The following PKD1L1 variants were observed in gnomAD, a reference collection of about 807,000 sequenced individuals.
PKD1L1 encodes polycystin-1-like protein 1.
In PKD1L1, 236 loss-of-function variants were observed where a neutral mutation model predicts 323.4. The observed-to-expected ratio is 0.73, with a 90% CI of 0.66 to 0.81. PKD1L1 has a LOEUF of 0.81. Among genes scored for constraint, PKD1L1 ranks in the 40% least tolerant of loss-of-function variants. The pLI is 0.00. For missense variants in PKD1L1, 3,320 were observed against 3,508.0 expected (o/e 0.95, Z 1.35); for synonymous variants, 1,344 against 1,335.0 (o/e 1.01, Z -0.15).
At position 47,821,168 on chromosome 7, in the gene PKD1L1, G is replaced by T. The variant is rs750960103; in HGVS notation, c.6873C>A (p.Ile2291=). ...RAALRDISMD[I]LMLLLLLCVI... ...CACACAAAAGCAGAAGCAGCATGAG[G>T]ATGTCCATGGAAATGTCTCTGTAAG... The change falls in exon 46 of 57, where the codon ATC becomes ATA. Residue 2291 remains isoleucine (I), a synonymous_variant. Coordinates refer to ENST00000289672, the MANE Select transcript of PKD1L1 (RefSeq NM_138295.5). 2 of 1,606,574 alleles carry T rather than the reference G, an allele frequency of 1.2e-6. No homozygotes were observed. The highest frequency in any genetic ancestry group is 1.7e-6 in the Non-Finnish European group (2 of 1,173,300).
chr7:47,840,400 G>T lies in PKD1L1; in HGVS notation c.5552+61C>A, dbSNP rs953342948. On this transcript the variant is annotated intron_variant, in intron 35 of 56. Coordinates refer to ENST00000289672, the MANE Select transcript of PKD1L1 (RefSeq NM_138295.5). The surrounding 1 kb of genome is among the most constrained non-coding windows in gnomAD (Gnocchi z 4.1). ...TCTACTGTTTTGTATTTGTGATAAG[G>T]TTACACCAATTCTGATTGGCCTCTC... The T allele has an allele frequency of 2.0e-5, 25 of 1,246,354 alleles. 1 individual carries two copies. Among genetic ancestry groups the T allele is most frequent in the Middle Eastern group, 3.7e-4 (2 of 5,368 alleles). The allele number at this position is 1,246,354 out of a possible 1,614,324, so 77.2% of individuals were successfully genotyped here. A position where few individuals can be genotyped will look rare whatever the true frequency, so the allele number is the denominator to read the frequency against.
Position 47,811,846 on chromosome 7 carries a change from C to A in PKD1L1, c.7552G>T (p.Ala2518Ser). The change falls in exon 50 of 57, where the codon GCC becomes TCC. Residue 2518 changes from alanine (A) to serine (S), a missense_variant. Coordinates refer to ENST00000289672, the MANE Select transcript of PKD1L1 (RefSeq NM_138295.5). The stretch of plus-strand genomic sequence containing the variant: ...GGAAGCATGAGGTGGTACTGCAGGG[C>A]TGAGTCGCTGCGGAAGATGCTGAAT... ...ESFSIFRSDS[A>S]LQYHLMLPQL... 2.5e-6 allele frequency: 4 copies of A among 1,608,338 alleles called. No individual in the cohort carries two copies. Among genetic ancestry groups the A allele is most frequent in the Non-Finnish European group, 3.4e-6 (4 of 1,177,720 alleles).
At chr7:47,924,972 A>G (rs1787629566) in intron 7 of PKD1L1, among the ~76,000 whole-genome samples, 1 of 152,228 alleles carries the variant, frequency 6.6e-6, no homozygotes, top group Non-Finnish European at 1.5e-5. Context: ...CACCATTCAT[A>G]ATTAATATGT....
At chr7:47,868,246 G>A (rs987166595) in intron 24 of PKD1L1, among the ~76,000 whole-genome samples, 4 of 152,184 alleles carry the variant, frequency 2.6e-5, no homozygotes, top group African/African-American at 9.7e-5. Context: ...GTGTGTGCCT[G>A]TAATCCCAGC....
intron 7 of PKD1L1, among the ~76,000 whole-genome samples, chr7:47,918,790 A>C (rs1787480093): frequency 6.6e-6 from 1 of 152,198 alleles, no homozygotes; most frequent in Admixed American, 6.5e-5. Flanking sequence ...AATGAAATCA[A>C]GATGGAAATT....
At chr7:47,833,315 C>T in intron 40 of PKD1L1, 63 bp from the exon 41 acceptor site, 1 of 1,548,348 alleles carries the variant, frequency 6.5e-7, no homozygotes, top group East Asian at 2.3e-5. Flanking sequence ...ACGTGACGCT[C>T]AACAGTGGTG....
upstream of PKD1L1, among the ~76,000 whole-genome samples, chr7:47,953,321 C>G (rs1273159948): frequency 2.0e-5 from 3 of 152,218 alleles, no homozygotes; most frequent in African/African-American, 7.2e-5. Flanking sequence ...TCACCCTCAC[C>G]TGCCCACCTT....
intron 54 of PKD1L1, 55 bp from the exon 55 acceptor site, chr7:47,796,205 G>C: frequency 7.0e-7 from 1 of 1,422,652 alleles, no homozygotes; most frequent in Non-Finnish European, 9.6e-7. Flanking sequence ...TAAATAAAGA[G>C]CTTTGTTAAC....
intron 25 of PKD1L1, among the ~76,000 whole-genome samples, chr7:47,866,093 G>A (rs942078040): frequency 9.9e-5 from 15 of 152,184 alleles, no homozygotes; most frequent in African/African-American, 3.4e-4. Context: ...TTCAGAAGTT[G>A]CACAAAATCA....
chr7:47,929,946 G>A (rs1000840560), intron 6 of PKD1L1, among the ~76,000 whole-genome samples: 3 of 152,328 alleles, frequency 2.0e-5, no homozygotes, highest in South Asian at 2.1e-4. Flanking sequence ...AAAGCTCCCC[G>A]TGAGGGTGGG....
intron 56 of PKD1L1, among the ~76,000 whole-genome samples, chr7:47,777,814 A>T (rs1248047475): frequency 6.6e-6 from 1 of 152,218 alleles, no homozygotes; most frequent in Non-Finnish European, 1.5e-5. Context: ...CAAGGCTTCT[A>T]ATCTTGCTCC....
chr7:47,868,819 G>A (rs988297262), intron 24 of PKD1L1, among the ~76,000 whole-genome samples: 37 of 152,300 alleles, frequency 2.4e-4, no homozygotes, highest in Admixed American at 1.8e-3. Flanking sequence ...AGGTTGCAGT[G>A]AGCCGAGATC....
chr7:47,830,009 A>G, intron 43 of PKD1L1, 31 bp downstream of exon 43: 1 of 1,599,464 alleles, frequency 6.3e-7, no homozygotes, highest in Non-Finnish European at 8.6e-7. Flanking sequence ...TGCTGATGGA[A>G]GGCACTTCTA....
intron 46 of PKD1L1, chr7:47,818,226 G>A (rs775024421): frequency 1.6e-5 from 21 of 1,332,766 alleles, no homozygotes; most frequent in East Asian, 4.8e-5. Context: ...AAATATTCAC[G>A]CCAAAGGAAA....
At chr7:47,929,176 C>T (rs1562994383) in intron 7 of PKD1L1, 28 bp downstream of exon 7, 4 of 1,592,132 alleles carry the variant, frequency 2.5e-6, no homozygotes, top group Non-Finnish European at 3.4e-6. Flanking sequence ...CCTTCCCAGG[C>T]TCCTGATAAG....
At chr7:47,854,706 A>C (rs1232120080) in intron 30 of PKD1L1, among the ~76,000 whole-genome samples, 176 bp downstream of exon 30, 1 of 152,200 alleles carries the variant, frequency 6.6e-6, no homozygotes, top group East Asian at 1.9e-4. Flanking sequence ...CAAACTCAAA[A>C]ACCAAAGTCA....
At chr7:47,929,616 C>T in intron 6 of PKD1L1, 90 bp from the exon 7 acceptor site, 1 of 1,251,700 alleles carries the variant, frequency 8.0e-7, no homozygotes, top group Non-Finnish European at 1.1e-6. Flanking sequence ...CTGGGTCCAG[C>T]CAGCTAGAAG....
rs761588721 is a variant in PKD1L1 at position 47,948,408 on chromosome 7, A to C, written c.33T>G (p.Asp11Glu). The C allele has an allele frequency of 6.2e-7, 1 of 1,614,150 alleles. No individual in the cohort carries two copies. The highest frequency in any genetic ancestry group is 8.5e-7 in the Non-Finnish European group (1 of 1,180,036). MAEEAAQNIS[D>E]DQERCLQAAC... ...CAGTGATAACTCACCTTTCCTGGTC[A>C]TCAGAAATGTTCTGGGCTGCCTCCT... The change falls in exon 1 of 57, where the codon GAT becomes GAG. Residue 11 changes from aspartate to glutamate, a missense_variant. Coordinates refer to ENST00000289672, the MANE Select transcript of PKD1L1 (RefSeq NM_138295.5).
intron 21 of PKD1L1, among the ~76,000 whole-genome samples, chr7:47,878,469 C>G (rs765119080): frequency 2.6e-5 from 4 of 152,200 alleles, no homozygotes; most frequent in African/African-American, 9.7e-5. Context: ...ATCGTAACAG[C>G]AGGTACCATC....
Sources: gnomAD v4.1 joint callset for allele counts (sites outside exome capture counted in the v4.1 genomes callset) on GRCh38, gnomAD v4.1.1 for gene constraint, Gnocchi (gnomAD v3.1) non-coding constraint, MANE v1.5 for transcripts, NCBI Gene and HGNC (gene_info 2026-07-23, HGNC 2026-07-21) for gene names.